TCF12: variants seen among roughly 807,000 people sequenced by gnomAD.
TCF12 encodes the protein DNA-binding protein HTF4.
A neutral mutation model predicts 86.0 loss-of-function variants in TCF12; 45 were observed. That is an observed-to-expected ratio of 0.52 (90% CI 0.41 to 0.67). The LOEUF (loss-of-function observed/expected upper bound fraction) is 0.67. TCF12 is among the 30% of genes least tolerant of loss of function. The pLI is 0.00. For synonymous variants in TCF12, 330 were observed against 299.6 expected (o/e 1.10, Z -1.05); for missense variants, 881 against 859.9 (o/e 1.02, Z -0.31).
intron 5 of TCF12, among the ~76,000 whole-genome samples, chr15:57,095,079 A>G (rs2049234504): frequency 6.6e-6 from 1 of 152,230 alleles, no homozygotes; most frequent in Non-Finnish European, 1.5e-5. Flanking sequence ...AATTGCAGAA[A>G]TCTCCTGTGG....
At chr15:57,283,291 G>A (rs1300582509) in intron 20 of TCF12, among the ~76,000 whole-genome samples, 4 of 149,578 alleles carry the variant, frequency 2.7e-5, no homozygotes, top group Non-Finnish European at 5.9e-5. Context: ...ACAGAGTCTC[G>A]CTCTGTTGCC....
intron 3 of TCF12, among the ~76,000 whole-genome samples, chr15:57,050,488 C>T (rs146975237): frequency 2.6e-5 from 4 of 151,930 alleles, no homozygotes; most frequent in African/African-American, 9.7e-5. Context: ...TCTTTCTTTG[C>T]GTTTGCACTT....
chr15:57,022,054 T>TTATGTATGTATGTATGTATG (rs529943161), intron 3 of TCF12, among the ~76,000 whole-genome samples: 7 of 152,112 alleles, frequency 4.6e-5, no homozygotes, highest in African/African-American at 1.7e-4. Context: ...TTTCTTTTTT[T>TTATGTATGTATGTATGTATG]TATGTATGTA....
intron 19 of TCF12, among the ~76,000 whole-genome samples, chr15:57,280,478 A>G (rs1275426793): frequency 1.3e-5 from 2 of 152,232 alleles, no homozygotes; most frequent in African/African-American, 4.8e-5. Flanking sequence ...GGAGTCAGCT[A>G]AGTTTACCAT....
chr15:57,153,976 C>T (rs118171702), intron 5 of TCF12, among the ~76,000 whole-genome samples: 325 of 144,904 alleles, frequency 2.2e-3, no homozygotes, highest in Admixed American at 4.7e-3. Context: ...CCCTGGGTGA[C>T]AGAAGAAGAC....
intron 3 of TCF12, among the ~76,000 whole-genome samples, chr15:56,940,016 C>CT (rs2060660451): frequency 1.0e-5 from 1 of 97,008 alleles, no homozygotes; most frequent in Non-Finnish European, 1.9e-5. Flanking sequence ...CACTTTTGGT[C>CT]TTTAGTAATG....
intron 3 of TCF12, among the ~76,000 whole-genome samples, chr15:57,056,896 AC>A (rs2068076112): frequency 6.7e-6 from 1 of 148,628 alleles, no homozygotes; most frequent in African/African-American, 2.5e-5. Flanking sequence ...TGAAAATTTT[AC>A]TTTGGGTCAT....
chr15:57,282,412 C>A (rs1402596763), intron 19 of TCF12, 33 bp from the exon 20 acceptor site: 2 of 1,613,472 alleles, frequency 1.2e-6, no homozygotes, highest in South Asian at 1.1e-5. Context: ...AACTTAAAAC[C>A]ATAGTGATAA....
intron 5 of TCF12, among the ~76,000 whole-genome samples, chr15:57,165,134 C>G (rs62024411): frequency 9.5e-5 from 14 of 147,222 alleles, no homozygotes; most frequent in South Asian, 2.1e-4. Context: ...GAATGTATGT[C>G]TGTGTGTGTG....
chr15:57,108,772 A>T (rs1418878879), intron 5 of TCF12, among the ~76,000 whole-genome samples: 5 of 152,172 alleles, frequency 3.3e-5, no homozygotes, highest in Admixed American at 3.3e-4. Flanking sequence ...GATTCTACTT[A>T]ATTTGTCAAA....
chr15:57,114,293 A>T (rs1295669353), intron 5 of TCF12, among the ~76,000 whole-genome samples: 2 of 151,960 alleles, frequency 1.3e-5, no homozygotes, highest in African/African-American at 4.8e-5. Flanking sequence ...CATTTAACCT[A>T]CTGTAATTGT....
At chr15:57,071,232 C>A (rs1427611305) in intron 4 of TCF12, among the ~76,000 whole-genome samples, 4 of 150,252 alleles carry the variant, frequency 2.7e-5, no homozygotes, top group Non-Finnish European at 2.9e-5. Context: ...CAAAATGAGA[C>A]CCCCTCTCTA....
At chr15:57,256,950 G>T (rs2060374912) in intron 16 of TCF12, among the ~76,000 whole-genome samples, 1 of 152,258 alleles carries the variant, frequency 6.6e-6, no homozygotes, top group East Asian at 1.9e-4. Context: ...ATTTAGAAAA[G>T]GGTTTGATAT....
intron 4 of TCF12, among the ~76,000 whole-genome samples, chr15:57,081,676 T>G (rs1313456980): frequency 5.9e-5 from 9 of 152,216 alleles, no homozygotes; most frequent in African/African-American, 2.2e-4. Context: ...TAGCTGGGAC[T>G]ACAGGCGCAT....
At chr15:57,152,799 G>A (rs2151466866) in intron 5 of TCF12, among the ~76,000 whole-genome samples, 1 of 152,084 alleles carries the variant, frequency 6.6e-6, no homozygotes, top group South Asian at 2.1e-4. Flanking sequence ...TTTCCCAAAA[G>A]CAATGAAAGA....
chr15:56,939,947 A>T (rs1183439057), intron 3 of TCF12, among the ~76,000 whole-genome samples: 7 of 150,780 alleles, frequency 4.6e-5, no homozygotes, highest in Non-Finnish European at 8.8e-5. Context: ...AAGCAAAAAG[A>T]AGTGATACTT....
intron 5 of TCF12, among the ~76,000 whole-genome samples, chr15:57,098,193 A>C (rs531473439): frequency 6.6e-6 from 1 of 152,098 alleles, no homozygotes; most frequent in African/African-American, 2.4e-5. Context: ...TCAAAAAAAC[A>C]AAACAAACAA....
At chr15:57,104,457 T>TG (rs2049992178) in intron 5 of TCF12, among the ~76,000 whole-genome samples, 5 of 149,146 alleles carry the variant, frequency 3.4e-5, no homozygotes, top group South Asian at 2.2e-4. Context: ...TTTTTTTTTT[T>TG]TTGAGATGGA....
At chr15:57,219,825 A>G (rs2058503435) in intron 8 of TCF12, among the ~76,000 whole-genome samples, 1 of 149,994 alleles carries the variant, frequency 6.7e-6, no homozygotes, top group African/African-American at 2.5e-5. Flanking sequence ...TCCCGGGTTC[A>G]AGCGATTCTC....
Sources: allele counts gnomAD v4.1 joint callset (sites outside exome capture counted in the v4.1 genomes callset), GRCh38; gene constraint gnomAD v4.1.1; transcripts MANE v1.5; gene names NCBI Gene and HGNC (gene_info 2026-07-23, HGNC 2026-07-21).